Variants in ANXA4 observed in about 807,000 individuals in gnomAD.
ANXA4 encodes the protein annexin A4.
Under a neutral mutation model 49.8 loss-of-function variants are expected in ANXA4, and 39 were observed. The observed-to-expected ratio is 0.78, with a 90% CI of 0.61 to 1.02. The LOEUF (loss-of-function observed/expected upper bound fraction) is 1.02. Among genes scored for constraint, ANXA4 ranks in the 50% least tolerant of loss-of-function variants. The pLI, the probability that ANXA4 is intolerant of heterozygous loss-of-function variation, is 0.00. For synonymous variants in ANXA4, 134 were observed against 152.5 expected (o/e 0.88, Z 0.89); for missense variants, 360 against 410.1 (o/e 0.88, Z 1.05).
intron 1 of ANXA4, among the ~76,000 whole-genome samples, chr2:69,646,020 A>G (rs189830923): frequency 1.8e-3 from 274 of 152,270 alleles, no homozygotes; most frequent in Non-Finnish European, 1.7e-3. Context: ...TAAACTGTCT[A>G]CTTAGAGAGA....
Position 69,647,401 on chromosome 2 carries a change from T to C in ANXA4, n.481+2496T>C, listed in dbSNP as rs1248307910. Among the ~76,000 whole-genome samples, 5 of 130,624 alleles carry C rather than the reference T, an allele frequency of 3.8e-5. No homozygotes were observed. In the South Asian group the frequency reaches 1.5e-3, roughly 40 times the overall value. The allele number at this position is 130,624 out of a possible 152,430, so 85.7% of individuals were successfully genotyped here. On this transcript the variant is annotated intron_variant and non_coding_transcript_variant, in intron 1 of 3. Transcript: ENST00000418066. Reference sequence around the variant, plus strand: ...GTTTTATTTTTATTTTATTTATTTATTTATTTATTTATTTATTTATTTTTT... The same window carrying C: ...GTTTTATTTTTATTTTATTTATTTACTTATTTATTTATTTATTTATTTTTT...
chr2:69,813,543 G>A (rs1054668920), intron 8 of ANXA4, among the ~76,000 whole-genome samples: 7 of 151,954 alleles, frequency 4.6e-5, no homozygotes, highest in African/African-American at 9.7e-5. Flanking sequence ...GAGCCATCGC[G>A]CGTGGCCCAC....
chr2:69,782,385 C>T (rs920495928), intron 2 of ANXA4, among the ~76,000 whole-genome samples: 1 of 152,130 alleles, frequency 6.6e-6, no homozygotes, highest in Non-Finnish European at 1.5e-5. Flanking sequence ...TTAGATATTC[C>T]AGAATTTTCT....
intron 2 of ANXA4, among the ~76,000 whole-genome samples, chr2:69,675,648 C>T (rs749623477): frequency 3.9e-5 from 6 of 151,962 alleles, no homozygotes; most frequent in Non-Finnish European, 8.8e-5. Context: ...CCAGGGGCTG[C>T]GGGGAGGGAG....
chr2:69,662,444 G>A (rs897385530), intron 2 of ANXA4, among the ~76,000 whole-genome samples: 16 of 152,080 alleles, frequency 1.1e-4, no homozygotes, highest in African/African-American at 3.4e-4. Context: ...TGAGTGGGGA[G>A]GGGTGGGAGG....
At chr2:69,709,789 T>A (rs1270633163) in intron 2 of ANXA4, among the ~76,000 whole-genome samples, 1 of 152,218 alleles carries the variant, frequency 6.6e-6, no homozygotes, top group African/African-American at 2.4e-5. Flanking sequence ...CGAATCATTA[T>A]GCAAGCCAGG....
chr2:69,702,218 G>T (rs1192568833), intron 2 of ANXA4, among the ~76,000 whole-genome samples: 1 of 151,996 alleles, frequency 6.6e-6, no homozygotes, highest in Non-Finnish European at 1.5e-5. Context: ...TTGCCATGTT[G>T]GCCAGGCTGG....
intron 7 of ANXA4, chr2:69,810,919 G>T: frequency 2.0e-6 from 1 of 505,438 alleles, no homozygotes; most frequent in East Asian, 3.4e-5. Context: ...GTCACTCAGT[G>T]CATTGAGAGT....
chr2:69,711,522 G>C (rs748939909), intron 2 of ANXA4, among the ~76,000 whole-genome samples: 3 of 152,198 alleles, frequency 2.0e-5, no homozygotes, highest in Non-Finnish European at 4.4e-5. Flanking sequence ...CTAGTTTCCT[G>C]GGCTTGGGAG....
chr2:69,785,007 G>A (rs1573250374), intron 2 of ANXA4, among the ~76,000 whole-genome samples: 1 of 152,164 alleles, frequency 6.6e-6, no homozygotes, highest in African/African-American at 2.4e-5. Context: ...ACATTCTGAG[G>A]TGCTGGAGGT....
chr2:69,816,117 G>C lies in ANXA4; in HGVS notation c.551G>C (p.Gly184Ala), dbSNP rs145269105. Residue 184 changes from glycine (G) to alanine (A), a missense_variant, in exon 9 of 13, where the codon GGA (glycine) becomes GCA (alanine). By Grantham distance (60) the Gly-to-Ala change is moderately conservative. Coordinates refer to ENST00000394295, the MANE Select transcript of ANXA4 (RefSeq NM_001153.5). The part of the protein sequence containing the change: ...RQDAQDLYEA[G>A]EKKWGTDEVK... ...TGGCTTCAGGACCTGTATGAGGCTGGAGAGAAGAAATGGGGGACAGATGAG... is the reference window on the plus strand; with the variant it reads ...TGGCTTCAGGACCTGTATGAGGCTGCAGAGAAGAAATGGGGGACAGATGAG... The C allele has an allele frequency of 6.2e-7, 1 of 1,614,132 alleles. No homozygotes were observed. The highest frequency in any genetic ancestry group is 1.6e-4 in the Middle Eastern group (1 of 6,062).
intron 5 of ANXA4, 54 bp downstream of exon 5, chr2:69,806,552 C>T (rs1673451979): frequency 4.9e-6 from 7 of 1,436,888 alleles, no homozygotes; most frequent in Non-Finnish European, 5.9e-6. Flanking sequence ...CGCTGATGTG[C>T]TTTCTTAAGA....
chr2:69,776,221 C>T (rs1671958309), intron 1 of ANXA4, among the ~76,000 whole-genome samples: 1 of 152,034 alleles, frequency 6.6e-6, no homozygotes, highest in Non-Finnish European at 1.5e-5. Context: ...GGTGATCTAC[C>T]CACCTCAGCC....
chr2:69,815,519 A>G (rs1271429140), intron 8 of ANXA4: 2 of 152,264 alleles, frequency 1.3e-5, no homozygotes, highest in African/African-American at 4.8e-5. Flanking sequence ...TGAGTTTCCT[A>G]TATTCCTACC....
chr2:69,775,549 C>T (rs558116814), intron 1 of ANXA4, among the ~76,000 whole-genome samples: 1 of 152,248 alleles, frequency 6.6e-6, no homozygotes, highest in African/African-American at 2.4e-5. Flanking sequence ...TTTGTTTTGG[C>T]TCATGCACAA....
intron 3 of ANXA4, among the ~76,000 whole-genome samples, chr2:69,731,450 G>A (rs1670092035): frequency 6.6e-6 from 1 of 152,222 alleles, no homozygotes; most frequent in East Asian, 1.9e-4. Flanking sequence ...ATTTGCAGCT[G>A]CTTTGTTTTT....
intron 2 of ANXA4, among the ~76,000 whole-genome samples, chr2:69,671,913 G>A (rs572296684): frequency 6.6e-6 from 1 of 152,160 alleles, no homozygotes; most frequent in Non-Finnish European, 1.5e-5. Context: ...GCAACTGAGA[G>A]TATAAACTGT....
chr2:69,785,624 TG>T (rs1004122626), intron 2 of ANXA4, among the ~76,000 whole-genome samples: 5 of 152,206 alleles, frequency 3.3e-5, no homozygotes, highest in Non-Finnish European at 7.3e-5. Flanking sequence ...CTGGGTTTTG[TG>T]CTAAGTGCAT....
intron 3 of ANXA4, among the ~76,000 whole-genome samples, chr2:69,733,828 CT>C (rs1670170223): frequency 6.6e-6 from 1 of 152,030 alleles, no homozygotes; most frequent in Non-Finnish European, 1.5e-5. Context: ...TCTTTGACCT[CT>C]TAGGTGTTAT....
Sources: allele counts gnomAD v4.1 joint callset (sites outside exome capture counted in the v4.1 genomes callset), GRCh38; gene constraint gnomAD v4.1.1; transcripts MANE v1.5; gene names NCBI Gene and HGNC (gene_info 2026-07-23, HGNC 2026-07-21).